Variants in NKAIN3 observed in about 807,000 individuals in gnomAD.
NKAIN3 encodes sodium/potassium transporting ATPase interacting 3, also known as sodium/potassium-transporting ATPase subunit beta-1-interacting protein 3.
In NKAIN3, 25 loss-of-function variants were observed where a neutral mutation model predicts 30.2. The observed-to-expected ratio is 0.83, with a 90% CI of 0.60 to 1.16. The LOEUF (loss-of-function observed/expected upper bound fraction) is 1.16, where lower values mean the gene tolerates loss of function less well. Among genes scored for constraint, NKAIN3 ranks in the 50% most tolerant of loss-of-function variants. The pLI, the probability that NKAIN3 is intolerant of heterozygous loss-of-function variation, is 0.00. For missense variants in NKAIN3, 225 were observed against 254.1 expected, an observed-to-expected ratio of 0.89 and a Z score of 0.78; for synonymous variants, 91 against 89.6, an observed-to-expected ratio of 1.02 and a Z score of -0.09.
chr8:62,526,042 A>G (rs1160411738), intron 1 of NKAIN3, among the ~76,000 whole-genome samples: 2 of 152,124 alleles, frequency 1.3e-5, no homozygotes, highest in Non-Finnish European at 2.9e-5. Flanking sequence ...CATCTGGAAG[A>G]TTGTATCTGG....
At chr8:62,554,621 A>G (rs1364999670) in intron 1 of NKAIN3, among the ~76,000 whole-genome samples, 2 of 152,358 alleles carry the variant, frequency 1.3e-5, no homozygotes, top group East Asian at 3.9e-4. Context: ...TTTATTTTAA[A>G]TGGTACTAGG....
At chr8:62,780,367 G>T (rs546298703) in intron 4 of NKAIN3, among the ~76,000 whole-genome samples, 1 of 152,010 alleles carries the variant, frequency 6.6e-6, no homozygotes, top group Non-Finnish European at 1.5e-5. Flanking sequence ...AATGTATAAA[G>T]AACTAATACC....
At chr8:62,416,916 T>C (rs577041784) in intron 1 of NKAIN3, among the ~76,000 whole-genome samples, 193 of 151,858 alleles carry the variant, frequency 1.3e-3, no homozygotes, top group African/African-American at 4.6e-3. Flanking sequence ...CGCTTGAACC[T>C]GGGAGGCGGA....
At chr8:62,521,482 G>A (rs1808156890) in intron 1 of NKAIN3, among the ~76,000 whole-genome samples, 1 of 152,142 alleles carries the variant, frequency 6.6e-6, no homozygotes, top group Non-Finnish European at 1.5e-5. Flanking sequence ...TAAATCCCAT[G>A]TGTATTTCAG....
Position 62,973,142 on chromosome 8 carries a change from G to A in NKAIN3, c.*7735G>A, listed in dbSNP as rs117419035. ...TGCTGCAATAAACATAGGAGTGCATGTGTCATTATAGTAGAATGATTTATA... is the reference window on the plus strand; with the variant it reads ...TGCTGCAATAAACATAGGAGTGCATATGTCATTATAGTAGAATGATTTATA... On this transcript the variant is annotated 3_prime_UTR_variant, in exon 7 of 7. Coordinates refer to ENST00000623646, the MANE Select transcript of NKAIN3 (RefSeq NM_001304533.3). 0.074 allele frequency among the ~76,000 whole-genome samples: 11,299 copies of A among 152,234 alleles called. 678 individuals are homozygous for A. Among genetic ancestry groups the A allele is most frequent in the East Asian group, 0.3 (1,573 of 5,178 alleles).
chr8:62,468,066 C>T (rs1269358289), intron 1 of NKAIN3, among the ~76,000 whole-genome samples: 2 of 152,192 alleles, frequency 1.3e-5, no homozygotes, highest in Admixed American at 6.5e-5. Flanking sequence ...CACATTTTTC[C>T]TTCATTTTTT....
At chr8:62,630,561 G>T (rs540827163) in intron 3 of NKAIN3, among the ~76,000 whole-genome samples, 4 of 152,192 alleles carry the variant, frequency 2.6e-5, no homozygotes, top group African/African-American at 9.6e-5. Context: ...TCGCCAAAAC[G>T]TGCTTGATTA....
intron 1 of NKAIN3, among the ~76,000 whole-genome samples, chr8:62,392,929 G>A (rs1817620255): frequency 6.6e-6 from 1 of 152,034 alleles, no homozygotes; most frequent in Non-Finnish European, 1.5e-5. Context: ...GACTGTAACA[G>A]CAGTACAAAT....
At chr8:62,855,556 G>C in intron 4 of NKAIN3, 2 of 1,540,228 alleles carry the variant, frequency 1.3e-6, no homozygotes, top group Non-Finnish European at 1.8e-6. Context: ...CCACCAGGGA[G>C]TCCAATCTTT....
intron 3 of NKAIN3, among the ~76,000 whole-genome samples, chr8:62,743,734 G>T (rs1349805512): frequency 6.6e-6 from 1 of 152,070 alleles, no homozygotes; most frequent in African/African-American, 2.4e-5. Flanking sequence ...GTCAACAGAT[G>T]GAGACTATCT....
chr8:62,673,129 C>T (rs1367055035), intron 3 of NKAIN3, among the ~76,000 whole-genome samples: 1 of 152,200 alleles, frequency 6.6e-6, no homozygotes, highest in African/African-American at 2.4e-5. Flanking sequence ...TCAACTCCAT[C>T]TTTGTCTGAT....
chr8:62,768,838 T>C (rs575040449), intron 4 of NKAIN3, among the ~76,000 whole-genome samples: 1 of 152,330 alleles, frequency 6.6e-6, no homozygotes, highest in South Asian at 2.1e-4. Flanking sequence ...GTTATTTAAG[T>C]ATGTCATGAA....
At chr8:62,914,046 A>G (rs1412177521) in intron 4 of NKAIN3, among the ~76,000 whole-genome samples, 1 of 152,222 alleles carries the variant, frequency 6.6e-6, no homozygotes, top group Non-Finnish European at 1.5e-5. Flanking sequence ...ATGCACGCCT[A>G]TGTTTATTGC....
rs1308155612 is a variant in NKAIN3 at position 62,249,081 on chromosome 8, G to C, written c.8G>C (p.Cys3Ser). Residue 3 changes from cysteine to serine, a missense_variant, in exon 1 of 7, where the codon TGC becomes TCC. By Grantham distance (112) the Cys-to-Ser change is moderately radical (BLOSUM62 -1). Coordinates refer to ENST00000623646, the MANE Select transcript of NKAIN3 (RefSeq NM_001304533.3). ...TCGGACGCCGCCGGCACCATGGGCT[G>C]CTGCACCGGACGCTGCTCGCTCATC... is the stretch of plus-strand genomic sequence containing the variant. Reference protein sequence around the residue: MGCCTGRCSLICL... With the variant: MGSCTGRCSLICL... The C allele has an allele frequency of 5.9e-6, 9 of 1,538,124 alleles. No individual in the cohort carries two copies. Among genetic ancestry groups the C allele is most frequent in the Non-Finnish European group, 7.9e-6 (9 of 1,143,960 alleles).
Position 62,796,248 on chromosome 8 carries a change from G to A in NKAIN3, c.471+49119G>A, listed in dbSNP as rs182459301. On this transcript the variant is annotated intron_variant, in intron 4 of 6. Coordinates refer to ENST00000623646, the MANE Select transcript of NKAIN3 (RefSeq NM_001304533.3). ...AAAATACAAACAATAGCTGGGCATGGTGGTGCATGCCTGTAATCCCAGCTA... is the reference window on the plus strand; with the variant it reads ...AAAATACAAACAATAGCTGGGCATGATGGTGCATGCCTGTAATCCCAGCTA... Among the ~76,000 whole-genome samples, 25 of 151,830 alleles carry A rather than the reference G, an allele frequency of 1.6e-4. No homozygotes were observed. The East Asian group carries it at 4.5e-3, about 27-fold the overall frequency.
chr8:62,944,308 TG>T (rs1189511458), intron 5 of NKAIN3, among the ~76,000 whole-genome samples: 1 of 152,146 alleles, frequency 6.6e-6, no homozygotes, highest in East Asian at 1.9e-4. Flanking sequence ...GTAATTTACT[TG>T]AAAAAAAGTC....
chr8:62,327,623 T>C (rs190708601), intron 1 of NKAIN3, among the ~76,000 whole-genome samples: 34 of 152,180 alleles, frequency 2.2e-4, no homozygotes, highest in Non-Finnish European at 3.1e-4. Context: ...TTTGACCACA[T>C]ATATGAAAAA....
chr8:62,533,136 G>A (rs1056564116), intron 1 of NKAIN3, among the ~76,000 whole-genome samples: 4 of 151,996 alleles, frequency 2.6e-5, no homozygotes, highest in Admixed American at 2.6e-4. Flanking sequence ...TATGTGATAA[G>A]GAAAAGAAAA....
intron 1 of NKAIN3, among the ~76,000 whole-genome samples, chr8:62,306,463 C>G (rs771230473): frequency 6.7e-6 from 1 of 149,300 alleles, no homozygotes; most frequent in Non-Finnish European, 1.5e-5. Flanking sequence ...TTTCCCAGTG[C>G]GAGCCCTACC....
Sources: gnomAD v4.1 joint callset for allele counts (sites outside exome capture counted in the v4.1 genomes callset) on GRCh38, gnomAD v4.1.1 for gene constraint, MANE v1.5 for transcripts, NCBI Gene and HGNC (gene_info 2026-07-23, HGNC 2026-07-21) for gene names.